The following PPFIA2 variants were observed in gnomAD, a reference collection of about 807,000 sequenced individuals.
The protein encoded by PPFIA2 is liprin-alpha-2.
A neutral mutation model predicts 175.5 loss-of-function variants in PPFIA2; 46 were observed. The observed-to-expected ratio is 0.26, with a 90% CI of 0.21 to 0.34. The LOEUF (loss-of-function observed/expected upper bound fraction) is 0.34, where lower values mean the gene tolerates loss of function less well. Among genes scored for constraint, PPFIA2 ranks in the 10% least tolerant of loss-of-function variants. The pLI is 1.00. For missense variants in PPFIA2, 1,179 were observed against 1,506.1 expected, an observed-to-expected ratio of 0.78 and a Z score of 3.60; for synonymous variants, 568 against 511.4, an observed-to-expected ratio of 1.11 and a Z score of -1.49.
chr12:81,432,622 T>C (rs59046839), intron 7 of PPFIA2, among the ~76,000 whole-genome samples: 54,463 of 151,662 alleles, frequency 0.36, 10,658 homozygotes, highest in East Asian at 0.54. Flanking sequence ...CGCACCACCA[T>C]GCCCAGATGA....
chr12:81,412,174 TC>T (rs2044084734), intron 7 of PPFIA2, among the ~76,000 whole-genome samples: 1 of 151,872 alleles, frequency 6.6e-6, no homozygotes, highest in Non-Finnish European at 1.5e-5. Flanking sequence ...CCATTAAATA[TC>T]TTTTTATGCT....
chr12:81,455,002 C>T (rs1157559845), intron 5 of PPFIA2, among the ~76,000 whole-genome samples: 21 of 152,134 alleles, frequency 1.4e-4, no homozygotes, highest in Non-Finnish European at 4.4e-5. Context: ...GCATGTGCCA[C>T]CATGCCCAGC....
chr12:81,745,862 C>T (rs896432996), intron 3 of PPFIA2, among the ~76,000 whole-genome samples: 1 of 152,164 alleles, frequency 6.6e-6, no homozygotes, highest in African/African-American at 2.4e-5. Flanking sequence ...ATGTTTTTCC[C>T]GAAGCTCTTC....
intron 4 of PPFIA2, among the ~76,000 whole-genome samples, chr12:81,511,462 G>A (rs1025029422): frequency 1.2e-4 from 19 of 152,100 alleles, no homozygotes; most frequent in Admixed American, 7.9e-4. Context: ...TTATAATCAT[G>A]CAAATTTGGA....
chr12:81,555,428 A>C (rs2068678762), intron 4 of PPFIA2, among the ~76,000 whole-genome samples: 1 of 151,966 alleles, frequency 6.6e-6, no homozygotes, highest in African/African-American at 2.4e-5. Context: ...CATTTTATTG[A>C]TATAACTTTA....
At position 81,589,569 on chromosome 12, in the gene PPFIA2, G is replaced by T. The variant is rs146997707; in HGVS notation, c.303+87222C>A. ...TGGAGACAAATTTCTGTAAATGTCT[G>T]CCCTAATAGGTAAACAGTATTGGAA... On this transcript the variant is annotated intron_variant, in intron 4 of 32. Coordinates refer to ENST00000549396, the MANE Select transcript of PPFIA2 (RefSeq NM_003625.5). Among the ~76,000 whole-genome samples, 18 of 152,190 alleles carry T rather than the reference G, an allele frequency of 1.2e-4. No homozygotes were observed. In the East Asian group the frequency reaches 3.5e-3, roughly 29 times the overall value.
rs182320332 is a variant in PPFIA2, at chr12:81,647,871, T to C, written c.303+28920A>G. Reference sequence around the variant, plus strand: ...AATATATAACATATATAATATAATATATATTATATATATATAAAATCTTGA... The same window carrying C: ...AATATATAACATATATAATATAATACATATTATATATATATAAAATCTTGA... On this transcript the variant is annotated intron_variant, in intron 4 of 32. Coordinates refer to ENST00000549396, the MANE Select transcript of PPFIA2 (RefSeq NM_003625.5). 3.5e-3 allele frequency among the ~76,000 whole-genome samples: 496 copies of C among 142,212 alleles called. 2 individuals carry two copies. Among genetic ancestry groups the C allele is most frequent in the African/African-American group, 0.012 (469 of 38,798 alleles). 93.3% of individuals were successfully genotyped at this position (142,212 alleles called of 152,430 possible). A position where few individuals can be genotyped will look rare whatever the true frequency, so the allele number is the denominator to read the frequency against.
intron 2 of PPFIA2, among the ~76,000 whole-genome samples, chr12:81,754,743 T>C (rs1011980660): frequency 6.6e-6 from 1 of 152,224 alleles, no homozygotes; most frequent in Non-Finnish European, 1.5e-5. Flanking sequence ...GTAGAAAATA[T>C]ACAAATCATT....
At chr12:81,635,681 C>T (rs535682619) in intron 4 of PPFIA2, among the ~76,000 whole-genome samples, 81 of 152,274 alleles carry the variant, frequency 5.3e-4, no homozygotes, top group South Asian at 1.4e-3. Flanking sequence ...AGCACCACAC[C>T]TGACATGTCC....
At chr12:81,322,410 C>T (rs2053860066) in intron 22 of PPFIA2, among the ~76,000 whole-genome samples, 1 of 151,952 alleles carries the variant, frequency 6.6e-6, no homozygotes, top group East Asian at 1.9e-4. Flanking sequence ...ATGAAGTCCG[C>T]ATTGAATAAA....
intron 7 of PPFIA2, among the ~76,000 whole-genome samples, chr12:81,434,610 A>G (rs1028343860): frequency 6.6e-6 from 1 of 152,144 alleles, no homozygotes; most frequent in African/African-American, 2.4e-5. Flanking sequence ...ATTTTCAAGT[A>G]GGAGGGAATA....
chr12:81,707,198 G>A (rs1446385536), intron 3 of PPFIA2, among the ~76,000 whole-genome samples: 1 of 152,110 alleles, frequency 6.6e-6, no homozygotes, highest in African/African-American at 2.4e-5. Context: ...AAGAGTTTCT[G>A]CACAGCAAAA....
chr12:81,389,067 T>C (rs1261046723), intron 8 of PPFIA2, among the ~76,000 whole-genome samples: 2 of 151,264 alleles, frequency 1.3e-5, no homozygotes, highest in Non-Finnish European at 2.9e-5. Context: ...TGAACATGTG[T>C]TCTTTCGTGA....
chr12:81,288,520 T>G (rs557121498), intron 24 of PPFIA2, among the ~76,000 whole-genome samples: 11 of 151,842 alleles, frequency 7.2e-5, no homozygotes, highest in Admixed American at 5.3e-4. Context: ...AAATAAATAT[T>G]ACAATGAACT....
intron 3 of PPFIA2, among the ~76,000 whole-genome samples, chr12:81,753,295 G>A (rs1031184217): frequency 1.3e-5 from 2 of 150,562 alleles, no homozygotes; most frequent in Non-Finnish European, 3.0e-5. Context: ...AAATAGGCTG[G>A]CAGTTCTTAA....
intron 24 of PPFIA2, among the ~76,000 whole-genome samples, chr12:81,288,452 A>G (rs1275151237): frequency 1.3e-5 from 2 of 151,848 alleles, no homozygotes; most frequent in East Asian, 3.9e-4. Context: ...TTTCTAAAAA[A>G]TGATCAGAAT....
At chr12:81,599,173 A>T (rs2059549172) in intron 4 of PPFIA2, among the ~76,000 whole-genome samples, 1 of 151,932 alleles carries the variant, frequency 6.6e-6, no homozygotes, top group Admixed American at 6.6e-5. Flanking sequence ...AAATGTGGAG[A>T]CTTCAGTAGG....
intron 4 of PPFIA2, among the ~76,000 whole-genome samples, chr12:81,584,855 T>C (rs1157198721): frequency 1.6e-5 from 2 of 124,050 alleles, no homozygotes; most frequent in South Asian, 2.2e-4. Context: ...TAATTATAAA[T>C]ATAATATAAT....
intron 4 of PPFIA2, among the ~76,000 whole-genome samples, chr12:81,585,731 GT>G (rs919264511): frequency 3.3e-5 from 5 of 151,506 alleles, no homozygotes; most frequent in African/African-American, 1.2e-4. Context: ...TCACAGTTAA[GT>G]TTTTTTTAAT....
Sources: gnomAD v4.1 joint callset for allele counts (sites outside exome capture counted in the v4.1 genomes callset) on GRCh38, gnomAD v4.1.1 for gene constraint, MANE v1.5 for transcripts, NCBI Gene and HGNC (gene_info 2026-07-23, HGNC 2026-07-21) for gene names.